The following GALNT17 variants were observed in gnomAD, a reference collection of about 807,000 sequenced individuals.
The protein encoded by GALNT17 is polypeptide N-acetylgalactosaminyltransferase 17, also known as UDP-GalNAc:polypeptide N-acetylgalactosaminyltransferase-like 3.
A neutral mutation model predicts 63.7 loss-of-function variants in GALNT17; 29 were observed. The observed-to-expected ratio is 0.46, with a 90% confidence interval of 0.34 to 0.62. GALNT17 has a LOEUF of 0.62. GALNT17 is among the 20% of genes least tolerant of loss of function. The pLI, the probability that GALNT17 is intolerant of heterozygous loss-of-function variation, is 0.01. For synonymous variants in GALNT17, 305 were observed against 318.3 expected, an observed-to-expected ratio of 0.96 and a Z score of 0.45; for missense variants, 603 against 799.6, an observed-to-expected ratio of 0.75 and a Z score of 2.97.
chr7:71,292,626 TGGGAGA>T (rs1462463598), intron 1 of GALNT17, among the ~76,000 whole-genome samples: 2 of 149,546 alleles, frequency 1.3e-5, no homozygotes, highest in African/African-American at 4.9e-5. Flanking sequence ...AGGTACCATT[TGGGAGA>T]GGGAGAGAGA....
intron 1 of GALNT17, among the ~76,000 whole-genome samples, chr7:71,201,143 G>A (rs534290357): frequency 6.6e-6 from 1 of 151,192 alleles, no homozygotes; most frequent in South Asian, 2.1e-4. Context: ...TCCATTTTCA[G>A]TAATTGGCTT....
intron 1 of GALNT17, among the ~76,000 whole-genome samples, chr7:71,153,332 A>G (rs557215358): frequency 1.3e-5 from 2 of 152,340 alleles, no homozygotes; most frequent in South Asian, 4.1e-4. Context: ...ATGTTGATGA[A>G]TGATGTTATT....
chr7:71,424,830 A>G (rs1374190871), intron 5 of GALNT17, among the ~76,000 whole-genome samples: 1 of 152,194 alleles, frequency 6.6e-6, no homozygotes, highest in East Asian at 1.9e-4. Flanking sequence ...CTCCAGTAAA[A>G]GATGGGCCAA....
At chr7:71,642,606 C>G (rs1435755032) in intron 6 of GALNT17, among the ~76,000 whole-genome samples, 1 of 152,088 alleles carries the variant, frequency 6.6e-6, no homozygotes, top group Admixed American at 6.5e-5. Context: ...GGAGGTGAGG[C>G]AGGTGGATCA....
intron 6 of GALNT17, among the ~76,000 whole-genome samples, chr7:71,628,325 A>AT (rs1327142070): frequency 6.6e-6 from 1 of 151,848 alleles, no homozygotes; most frequent in Non-Finnish European, 1.5e-5. Flanking sequence ...GCTTTTTTTT[A>AT]TTTTTTATTT....
chr7:71,134,073 C>T (rs570676130), intron 1 of GALNT17, among the ~76,000 whole-genome samples: 3 of 152,278 alleles, frequency 2.0e-5, no homozygotes, highest in East Asian at 3.9e-4. Flanking sequence ...ATCTGTCCAG[C>T]GAGGCTCCAC....
chr7:71,579,924 A>G (rs144088756), intron 6 of GALNT17, among the ~76,000 whole-genome samples: 20 of 152,204 alleles, frequency 1.3e-4, no homozygotes, highest in Non-Finnish European at 2.6e-4. Context: ...AGAGAGAAAG[A>G]TGCATGGATG....
intron 1 of GALNT17, among the ~76,000 whole-genome samples, chr7:71,207,944 T>TC: frequency 6.6e-6 from 1 of 151,464 alleles, no homozygotes; most frequent in Non-Finnish European, 1.5e-5. Flanking sequence ...TTTTCTTTTT[T>TC]TTTTTTTTGA....
intron 5 of GALNT17, among the ~76,000 whole-genome samples, chr7:71,538,501 C>A (rs982531820): frequency 6.6e-6 from 1 of 152,134 alleles, no homozygotes. Flanking sequence ...ACCAAAGATA[C>A]CATCAGTTAA....
intron 9 of GALNT17, among the ~76,000 whole-genome samples, chr7:71,706,512 A>G (rs1791723939): frequency 6.6e-6 from 1 of 152,116 alleles, no homozygotes. Flanking sequence ...AGCTGTGTAT[A>G]TCTTTCCCTG....
chr7:71,306,988 T>C (rs535954830), intron 1 of GALNT17, among the ~76,000 whole-genome samples: 4 of 152,208 alleles, frequency 2.6e-5, no homozygotes, highest in Admixed American at 1.3e-4. Flanking sequence ...CACACCTGGC[T>C]AATTTTTGTA....
intron 9 of GALNT17, among the ~76,000 whole-genome samples, chr7:71,704,908 A>G (rs538178503): frequency 6.6e-6 from 1 of 152,344 alleles, no homozygotes; most frequent in East Asian, 1.9e-4. Context: ...AAACTATAAA[A>G]TTCTTAGAAA....
chr7:71,143,878 TA>T (rs373113522), intron 1 of GALNT17, among the ~76,000 whole-genome samples: 7,066 of 141,978 alleles, frequency 0.05, 469 homozygotes, highest in African/African-American at 0.15. Flanking sequence ...CATCTCTATT[TA>T]AAAAAAAAAA....
At chr7:71,158,798 A>G (rs560631824) in intron 1 of GALNT17, among the ~76,000 whole-genome samples, 9 of 151,218 alleles carry the variant, frequency 6.0e-5, no homozygotes, top group African/African-American at 2.2e-4. Flanking sequence ...GATGGTCTCA[A>G]TCTCCTGACC....
chr7:71,514,983 A>T (rs1248432944), intron 5 of GALNT17, among the ~76,000 whole-genome samples: 3 of 152,172 alleles, frequency 2.0e-5, no homozygotes, highest in African/African-American at 4.8e-5. Context: ...TGATGGTTTT[A>T]TAAGGGGTTT....
chr7:71,612,862 C>T (rs371932875), intron 6 of GALNT17, among the ~76,000 whole-genome samples: 81 of 152,290 alleles, frequency 5.3e-4, no homozygotes, highest in East Asian at 5.0e-3. Context: ...ATTCGGTTTT[C>T]GGTTTGCCAG....
chr7:71,540,995 T>C (rs1031250384), intron 5 of GALNT17, among the ~76,000 whole-genome samples: 8 of 152,040 alleles, frequency 5.3e-5, no homozygotes, highest in Non-Finnish European at 8.8e-5. Flanking sequence ...TCCCAGCACT[T>C]TGGGAGGTCG....
At chr7:71,237,684 C>T (rs1789920412) in intron 1 of GALNT17, among the ~76,000 whole-genome samples, 1 of 152,098 alleles carries the variant, frequency 6.6e-6, no homozygotes, top group Non-Finnish European at 1.5e-5. Flanking sequence ...TACCCTTTCT[C>T]AAAAACCAAA....
intron 5 of GALNT17, among the ~76,000 whole-genome samples, chr7:71,523,216 A>C (rs1377903608): frequency 6.6e-6 from 1 of 152,212 alleles, no homozygotes; most frequent in Non-Finnish European, 1.5e-5. Flanking sequence ...GTTGAGGCCA[A>C]GAATTTGAGA....
Sources: allele counts gnomAD v4.1 joint callset (sites outside exome capture counted in the v4.1 genomes callset), GRCh38; gene constraint gnomAD v4.1.1; transcripts MANE v1.5; gene names NCBI Gene and HGNC (gene_info 2026-07-23, HGNC 2026-07-21).